Variants in CFTR observed in about 807,000 individuals in gnomAD.
CFTR encodes the protein CF transmembrane conductance regulator, also known as cystic fibrosis transmembrane conductance regulator.
In CFTR, 181 loss-of-function variants were observed where a neutral mutation model predicts 171.6. The observed-to-expected ratio is 1.05, with a 90% CI of 0.93 to 1.19. The LOEUF is 1.19. Among genes scored for constraint, CFTR ranks in the 50% most tolerant of loss-of-function variants. The probability of loss-of-function intolerance (pLI) is 0.00; values close to 1 mark genes in which losing one functional copy is unlikely to be tolerated. For missense variants in CFTR, 1,968 were observed against 1,734.7 expected (o/e 1.13, Z -2.39); for synonymous variants, 583 against 608.0 (o/e 0.96, Z 0.60).
At chr7:117,547,587 C>G (rs1799167931) in intron 9 of CFTR, among the ~76,000 whole-genome samples, 1 of 152,056 alleles carries the variant, frequency 6.6e-6, no homozygotes. Context: ...CAATTTGACT[C>G]TAAGAATAGA....
intron 24 of CFTR, among the ~76,000 whole-genome samples, chr7:117,657,144 A>G (rs1793196653): frequency 1.3e-5 from 2 of 152,190 alleles, no homozygotes; most frequent in South Asian, 4.1e-4. Flanking sequence ...AGCCTTTATA[A>G]AATCTGCAAG....
At chr7:117,520,948 AG>A (rs1798675755) in intron 3 of CFTR, among the ~76,000 whole-genome samples, 1 of 151,948 alleles carries the variant, frequency 6.6e-6, no homozygotes, top group Non-Finnish European at 1.5e-5. Context: ...AATAACTTGG[AG>A]GGGAATGTAA....
chr7:117,568,276 G>A (rs188018283), intron 11 of CFTR, among the ~76,000 whole-genome samples: 2 of 152,240 alleles, frequency 1.3e-5, no homozygotes, highest in Admixed American at 1.3e-4. Flanking sequence ...TTACACTGGG[G>A]GCCATGGGAC....
chr7:117,512,380 C>T (rs1041570616), intron 3 of CFTR, among the ~76,000 whole-genome samples: 1 of 152,074 alleles, frequency 6.6e-6, no homozygotes, highest in Non-Finnish European at 1.5e-5. Flanking sequence ...GTAATCCCAG[C>T]ACTTTGGGAG....
intron 1 of CFTR, among the ~76,000 whole-genome samples, chr7:117,489,688 G>A: frequency 6.6e-6 from 1 of 151,654 alleles, no homozygotes; most frequent in East Asian, 1.9e-4. Flanking sequence ...TTAAATATGT[G>A]CAAGGAGATG....
intron 11 of CFTR, among the ~76,000 whole-genome samples, chr7:117,567,383 G>T (rs1485583966): frequency 6.6e-6 from 1 of 152,118 alleles, no homozygotes; most frequent in Non-Finnish European, 1.5e-5. Flanking sequence ...TATTCATGAA[G>T]ACCTTTCAGG....
In CFTR at chr7:117,584,930, GTTTGTTTTGT is replaced by G. The variant is rs144876830; in HGVS notation, c.1585-2790_1585-2781del. ...TCATGTATTTTAGTTTTTTTTTTTT[GTTTGTTTTGT>G]TTTGTTTTGTTTTGTTTTTGCAGCT... On this transcript the variant is annotated intron_variant, in intron 11 of 26. Transcript: ENST00000003084. 4.8e-4 allele frequency among the ~76,000 whole-genome samples: 68 copies of G among 141,794 alleles called. 1 individual carries two copies. Among genetic ancestry groups the G allele is most frequent in the Admixed American group, 3.4e-3 (50 of 14,618 alleles). 93.0% of individuals were successfully genotyped at this position (141,794 alleles called of 152,430 possible). A position where few individuals can be genotyped will look rare whatever the true frequency, so the allele number is the denominator to read the frequency against.
At chr7:117,553,577 C>T (rs778646508) in intron 10 of CFTR, among the ~76,000 whole-genome samples, 9 of 152,150 alleles carry the variant, frequency 5.9e-5, no homozygotes, top group Admixed American at 3.3e-4. Context: ...ATGATATTAT[C>T]TAATTTAAAA....
intron 1 of CFTR, among the ~76,000 whole-genome samples, chr7:117,486,210 G>C (rs1000104500): frequency 6.6e-6 from 1 of 152,168 alleles, no homozygotes; most frequent in African/African-American, 2.4e-5. Flanking sequence ...GCTATGCCTG[G>C]ATATAGCCAG....
At chr7:117,601,712 T>C (rs1792228144) in intron 15 of CFTR, among the ~76,000 whole-genome samples, 1 of 152,214 alleles carries the variant, frequency 6.6e-6, no homozygotes, top group African/African-American at 2.4e-5. Context: ...TGGCTAATTG[T>C]ATAATTTCAG....
intron 17 of CFTR, among the ~76,000 whole-genome samples, chr7:117,606,213 A>G (rs535685440): frequency 5.6e-4 from 86 of 152,250 alleles, no homozygotes; most frequent in African/African-American, 2.0e-3. Context: ...AGGGAGAGAG[A>G]GCAGCCAGGG....
At chr7:117,600,314 G>A (rs942449349) in intron 15 of CFTR, among the ~76,000 whole-genome samples, 6 of 151,984 alleles carry the variant, frequency 3.9e-5, no homozygotes, top group Non-Finnish European at 7.4e-5. Flanking sequence ...TAGAACCCCT[G>A]CTTGGCAGTG....
At chr7:117,610,482 A>G (rs1200968196) in intron 18 of CFTR, 37 bp from the exon 19 acceptor site, 2 of 1,593,182 alleles carry the variant, frequency 1.3e-6, no homozygotes, top group South Asian at 1.1e-5. Context: ...CAATGTGAAA[A>G]TGTTTACTCA....
At chr7:117,653,915 T>C (rs1391272636) in intron 24 of CFTR, among the ~76,000 whole-genome samples, 1 of 152,070 alleles carries the variant, frequency 6.6e-6, no homozygotes, top group Non-Finnish European at 1.5e-5. Context: ...CAAAATAAAA[T>C]GGTGAAACAG....
intron 11 of CFTR, among the ~76,000 whole-genome samples, chr7:117,577,418 T>C (rs1204166253): frequency 6.6e-6 from 1 of 152,158 alleles, no homozygotes; most frequent in Non-Finnish European, 1.5e-5. Flanking sequence ...TTGTTTAAAG[T>C]GGATCACACA....
In CFTR at chr7:117,540,280, C is replaced by G. The variant is rs1038437842; in HGVS notation, c.1050C>G (p.Val350=). The change falls in exon 8 of 27, where the codon GTC becomes GTG. Residue 350 remains valine, a synonymous_variant. Coordinates refer to ENST00000003084, the MANE Select transcript of CFTR (RefSeq NM_000492.4). The part of the protein sequence containing the change: ...ISFCIVLRMA[V]TRQFPWAVQT... ...TCTGCATTGTTCTGCGCATGGCGGT[C>G]ACTCGGCAATTTCCCTGGGCTGTAC... 3.1e-6 allele frequency: 5 copies of G among 1,613,852 alleles called. No individual in the cohort carries two copies. In the African/African-American group the frequency reaches 5.3e-5, roughly 17 times the overall value.
At chr7:117,535,988 A>G (rs1798948248) in intron 6 of CFTR, among the ~76,000 whole-genome samples, 1 of 152,208 alleles carries the variant, frequency 6.6e-6, no homozygotes, top group Admixed American at 6.5e-5. Context: ...ATTTATGTGA[A>G]TTAAAGGGAA....
At chr7:117,561,712 A>G (rs1433627188) in intron 11 of CFTR, among the ~76,000 whole-genome samples, 1 of 152,182 alleles carries the variant, frequency 6.6e-6, no homozygotes, top group Admixed American at 6.5e-5. Flanking sequence ...CATGAATCAT[A>G]TACTTCGGGA....
At chr7:117,602,719 G>C in intron 15 of CFTR, 107 bp from the exon 16 acceptor site, 1 of 913,256 alleles carries the variant, frequency 1.1e-6, no homozygotes, top group Admixed American at 1.7e-5. Context: ...TGTGTACCTT[G>C]ATATTGGTAC....
Sources: allele counts gnomAD v4.1 joint callset (sites outside exome capture counted in the v4.1 genomes callset), GRCh38; gene constraint gnomAD v4.1.1; transcripts MANE v1.5; gene names NCBI Gene and HGNC (gene_info 2026-07-23, HGNC 2026-07-21).